The following ARHGAP18 variants were observed in gnomAD, a reference collection of about 807,000 sequenced individuals.
The protein encoded by ARHGAP18 is rho GTPase-activating protein 18.
ARHGAP18 carries 67 observed loss-of-function variants against 86.2 expected under a neutral mutation model. That is an observed-to-expected ratio of 0.78 (90% CI 0.64 to 0.95). The LOEUF is 0.95. Ranked by LOEUF, ARHGAP18 falls within the 40% of genes least tolerant of loss-of-function variation. The probability of loss-of-function intolerance (pLI) is 0.00; values close to 1 mark genes in which losing one functional copy is unlikely to be tolerated. For synonymous variants in ARHGAP18, 283 were observed against 280.4 expected (o/e 1.01, Z -0.09); for missense variants, 691 against 780.4 (o/e 0.89, Z 1.37).
Position 129,579,643 on chromosome 6 carries a change from T to C in ARHGAP18, c.1900+427A>G, listed in dbSNP as rs1318340218. ...TGAGTGTGTGTGCATGTGTATAAAA[T>C]TTAGCAGGAAATCAACTATGGCAAA... On this transcript the variant is annotated intron_variant, in intron 14 of 14. Coordinates refer to ENST00000368149, the MANE Select transcript of ARHGAP18 (RefSeq NM_033515.3). Among the ~76,000 whole-genome samples, 3 of 152,210 alleles carry C rather than the reference T, an allele frequency of 2.0e-5. No homozygotes were observed. The East Asian group carries it at 5.8e-4, about 29-fold the overall frequency.
chr6:129,584,146 G>C, intron 12 of ARHGAP18, 34 bp from the exon 13 acceptor site: 1 of 1,612,070 alleles, frequency 6.2e-7, no homozygotes, highest in Non-Finnish European at 8.5e-7. Flanking sequence ...AACAAAGCTG[G>C]CAGCAGCTGG....
intron 5 of ARHGAP18, among the ~76,000 whole-genome samples, chr6:129,623,607 G>A (rs950019956): frequency 1.3e-5 from 2 of 152,138 alleles, no homozygotes; most frequent in African/African-American, 2.4e-5. Flanking sequence ...GAGGAGCATG[G>A]AACAGAAATG....
chr6:129,684,872 A>G (rs566397742), intron 1 of ARHGAP18, among the ~76,000 whole-genome samples: 18 of 152,366 alleles, frequency 1.2e-4, no homozygotes, highest in Admixed American at 2.6e-4. Flanking sequence ...AATGCCCTCT[A>G]GAATCAGAGA....
chr6:129,594,173 A>G (rs757634428), intron 12 of ARHGAP18, among the ~76,000 whole-genome samples: 26 of 152,218 alleles, frequency 1.7e-4, no homozygotes, highest in Middle Eastern at 3.4e-3. Flanking sequence ...TCACTCTCCA[A>G]TCCCTGGCAA....
intron 1 of ARHGAP18, among the ~76,000 whole-genome samples, chr6:129,642,574 G>A (rs9372943): frequency 0.19 from 28,849 of 151,934 alleles, 3,080 homozygotes; most frequent in Non-Finnish European, 0.24. Flanking sequence ...GAGATTAAAG[G>A]CATGAGCCAC....
At chr6:129,629,830 A>C (rs1220542382) in intron 4 of ARHGAP18, among the ~76,000 whole-genome samples, 1 of 152,150 alleles carries the variant, frequency 6.6e-6, no homozygotes, top group Non-Finnish European at 1.5e-5. Context: ...AAAAAACCTC[A>C]AAAGGTTTTG....
intron 10 of ARHGAP18, 80 bp downstream of exon 10, chr6:129,605,797 T>C: frequency 7.8e-7 from 1 of 1,279,268 alleles, no homozygotes; most frequent in East Asian, 2.3e-5. Context: ...AAGATACACA[T>C]CTTATTGTTT....
chr6:129,598,161 C>CA (rs537997432), intron 12 of ARHGAP18, among the ~76,000 whole-genome samples: 2,312 of 147,994 alleles, frequency 0.016, 53 homozygotes, highest in African/African-American at 0.047. Flanking sequence ...AACCAAATGC[C>CA]AAAAAAAAAG....
intron 1 of ARHGAP18, among the ~76,000 whole-genome samples, chr6:129,708,738 G>A (rs1021781696): frequency 6.6e-6 from 1 of 152,164 alleles, no homozygotes; most frequent in Non-Finnish European, 1.5e-5. Context: ...GCTGGGTATG[G>A]GGTTGGTGTT....
At chr6:129,625,844 ATTATATATTATAT>A (rs1436492710) in intron 5 of ARHGAP18, among the ~76,000 whole-genome samples, 23 of 74,702 alleles carry the variant, frequency 3.1e-4, no homozygotes, top group African/African-American at 1.1e-3. Context: ...ACATTTATAT[ATTATATATTATAT>A]TTATATATTA....
chr6:129,668,313 T>C (rs181449764), intron 1 of ARHGAP18, among the ~76,000 whole-genome samples: 2 of 150,704 alleles, frequency 1.3e-5, no homozygotes, highest in Middle Eastern at 3.4e-3. Flanking sequence ...GCAATATAAA[T>C]ACAGCATCCT....
At chr6:129,650,294 G>A (rs1773682894) in intron 1 of ARHGAP18, among the ~76,000 whole-genome samples, 1 of 152,098 alleles carries the variant, frequency 6.6e-6, no homozygotes, top group South Asian at 2.1e-4. Flanking sequence ...TAGAAAAAAG[G>A]GAGGGAAGGC....
intron 4 of ARHGAP18, 45 bp from the exon 5 acceptor site, chr6:129,629,567 T>C: frequency 6.4e-7 from 1 of 1,557,248 alleles, no homozygotes; most frequent in Non-Finnish European, 8.6e-7. Context: ...GCTTTATTTA[T>C]TTTTTAAAAA....
chr6:129,699,426 G>T (rs1032613844), intron 1 of ARHGAP18, among the ~76,000 whole-genome samples: 3 of 152,168 alleles, frequency 2.0e-5, no homozygotes, highest in African/African-American at 7.2e-5. Flanking sequence ...GATCACAAAA[G>T]TCTGGAGAGG....
chr6:129,625,212 TATATATG>T (rs1379497175), intron 5 of ARHGAP18, among the ~76,000 whole-genome samples: 35 of 57,400 alleles, frequency 6.1e-4, no homozygotes, highest in Non-Finnish European at 7.4e-4. Flanking sequence ...TTATATGTAA[TATATATG>T]ATATATGATA....
intron 1 of ARHGAP18, among the ~76,000 whole-genome samples, chr6:129,707,547 C>T (rs965946728): frequency 6.6e-6 from 1 of 152,040 alleles, no homozygotes; most frequent in Non-Finnish European, 1.5e-5. Context: ...CAGCTCACTG[C>T]AATCTCTGCT....
At chr6:129,583,786 CAA>C (rs769956354) in intron 13 of ARHGAP18, among the ~76,000 whole-genome samples, 200 bp downstream of exon 13, 5 of 151,544 alleles carry the variant, frequency 3.3e-5, no homozygotes, top group Non-Finnish European at 7.4e-5. Flanking sequence ...CAAGCCACAT[CAA>C]ATGAACTAAA....
chr6:129,578,623 T>C lies in ARHGAP18; in HGVS notation c.1901-19A>G. 1.3e-6 allele frequency: 2 copies of C among 1,592,912 alleles called. No homozygotes were observed. The highest frequency in any genetic ancestry group is 8.6e-7 in the Non-Finnish European group (1 of 1,163,310). On this transcript the variant is annotated intron_variant, in intron 14 of 14. Transcript: ENST00000368149. ...CGTTCCCCTGTTAAAATAGATGTTG[T>C]GTCAGTTTAATACAGCAGGTAGATT...
intron 14 of ARHGAP18, among the ~76,000 whole-genome samples, 185 bp from the exon 15 acceptor site, chr6:129,578,789 C>A (rs1333502673): frequency 6.6e-6 from 1 of 152,050 alleles, no homozygotes; most frequent in Non-Finnish European, 1.5e-5. Context: ...CATAATGAAA[C>A]CCCATCTCTA....
Sources: gnomAD v4.1 joint callset for allele counts (sites outside exome capture counted in the v4.1 genomes callset) on GRCh38, gnomAD v4.1.1 for gene constraint, MANE v1.5 for transcripts, NCBI Gene and HGNC (gene_info 2026-07-23, HGNC 2026-07-21) for gene names.